TAS2R1: variants seen among roughly 807,000 people sequenced by gnomAD.
TAS2R1 encodes taste 2 receptor member 1.
For missense variants in TAS2R1, 370 were observed against 353.4 expected (o/e 1.05, Z -0.38); for synonymous variants, 141 against 134.2 (o/e 1.05, Z -0.35).
intron 1 of TAS2R1, among the ~76,000 whole-genome samples, chr5:9,688,536 T>C (rs1741172961): frequency 6.6e-6 from 1 of 152,152 alleles, no homozygotes; most frequent in Non-Finnish European, 1.5e-5. Flanking sequence ...CGAGGCTGAA[T>C]AGAAGGGCCG....
the TAS2R1 span, among the ~76,000 whole-genome samples, chr5:9,750,525 C>T: frequency 6.6e-6 from 1 of 152,070 alleles, no homozygotes; most frequent in African/African-American, 2.4e-5. Flanking sequence ...TCTCAATTAC[C>T]CAAGAGAAAG....
chr5:9,740,276 G>A, the TAS2R1 span, among the ~76,000 whole-genome samples: 131 of 152,104 alleles, frequency 8.6e-4, no homozygotes, highest in African/African-American at 2.6e-3. Flanking sequence ...ATTTGTAGGC[G>A]AATAAAAATG....
the TAS2R1 span, among the ~76,000 whole-genome samples, chr5:9,839,725 T>C: frequency 1.3e-5 from 2 of 152,124 alleles, no homozygotes; most frequent in Admixed American, 1.3e-4. Flanking sequence ...GGGTAGTTTT[T>C]GCATGTGCAG....
chr5:9,629,344 A>G lies in TAS2R1; in HGVS notation c.689T>C (p.Ile230Thr). The change falls in exon 1 of 1, where the codon ATC (isoleucine) becomes ACC (threonine). Residue 230 changes from isoleucine to threonine, a missense_variant. Physicochemically the swap from Ile to Thr is moderately conservative, Grantham distance 89. Coordinates refer to ENST00000382492, the MANE Select transcript of TAS2R1 (RefSeq NM_019599.3). ...GAAGTAGAGGATCAGGAAGGACAGGATAGACAGCAACGCGCTGATGGGTGC... is the reference window on the plus strand; with the variant it reads ...GAAGTAGAGGATCAGGAAGGACAGGGTAGACAGCAACGCGCTGATGGGTGC... ...RGAPISALLS[I>T]LSFLILYFSH... is the part of the protein sequence containing the mutation. The G allele has an allele frequency of 6.2e-7, 1 of 1,613,966 alleles. No homozygotes were observed. The highest frequency in any genetic ancestry group is 1.1e-5 in the South Asian group (1 of 91,046).
the TAS2R1 span, among the ~76,000 whole-genome samples, chr5:9,884,690 T>C: frequency 2.6e-5 from 4 of 152,166 alleles, no homozygotes; most frequent in Non-Finnish European, 2.9e-5. Flanking sequence ...CCCCAACCAT[T>C]ATTATGCTGT....
chr5:9,901,105 T>A, the TAS2R1 span, among the ~76,000 whole-genome samples: 1 of 152,106 alleles, frequency 6.6e-6, no homozygotes, highest in Admixed American at 6.5e-5. Context: ...GGCCCTGGGT[T>A]GGACCCTGAG....
At chr5:9,801,514 A>T in the TAS2R1 span, among the ~76,000 whole-genome samples, 1 of 152,230 alleles carries the variant, frequency 6.6e-6, no homozygotes, top group South Asian at 2.1e-4. Flanking sequence ...CATACCAGGA[A>T]AGCCAAGAGA....
intron 1 of TAS2R1, among the ~76,000 whole-genome samples, chr5:9,687,260 G>A (rs114261508): frequency 0.028 from 4,305 of 152,260 alleles, 73 homozygotes; most frequent in Middle Eastern, 0.054. Context: ...GTGAGCTACC[G>A]CGCCCAGCTG....
chr5:9,821,341 G>A, the TAS2R1 span, among the ~76,000 whole-genome samples: 1 of 152,160 alleles, frequency 6.6e-6, no homozygotes, highest in African/African-American at 2.4e-5. Flanking sequence ...ACAAGCACGG[G>A]ACAGGAACAG....
chr5:9,716,544 A>ATT (rs398108593), upstream of TAS2R1, among the ~76,000 whole-genome samples: 1 of 58,862 alleles, frequency 1.7e-5, no homozygotes, highest in African/African-American at 8.4e-5. Flanking sequence ...CAGTACATAT[A>ATT]TTATATATAT....
the TAS2R1 span, among the ~76,000 whole-genome samples, chr5:9,811,131 T>C: frequency 2.0e-5 from 3 of 152,284 alleles, no homozygotes; most frequent in East Asian, 5.8e-4. Context: ...CTCATAAACA[T>C]GATTTGTATC....
chr5:9,686,522 C>A (rs1287458997), intron 1 of TAS2R1, among the ~76,000 whole-genome samples: 1 of 151,922 alleles, frequency 6.6e-6, no homozygotes, highest in Non-Finnish European at 1.5e-5. Context: ...ACTAGGCCTG[C>A]AATCTGATGT....
the TAS2R1 span, among the ~76,000 whole-genome samples, chr5:9,873,262 G>A: frequency 1.3e-4 from 20 of 152,130 alleles, no homozygotes; most frequent in East Asian, 5.8e-4. Flanking sequence ...CCCTCTCTAC[G>A]ACGGGCCCTG....
the TAS2R1 span, among the ~76,000 whole-genome samples, chr5:9,790,855 G>A: frequency 6.6e-6 from 1 of 152,076 alleles, no homozygotes; most frequent in Non-Finnish European, 1.5e-5. Context: ...GGCCAGGCTG[G>A]TCTTAAACTC....
chr5:9,815,350 T>A, the TAS2R1 span, among the ~76,000 whole-genome samples: 1 of 152,210 alleles, frequency 6.6e-6, no homozygotes, highest in African/African-American at 2.4e-5. Context: ...TGGGCTTAGA[T>A]GTACAACTGG....
At chr5:9,754,598 A>G in the TAS2R1 span, among the ~76,000 whole-genome samples, 4 of 152,212 alleles carry the variant, frequency 2.6e-5, no homozygotes, top group Non-Finnish European at 4.4e-5. Flanking sequence ...GCATTCTTAT[A>G]CATCAATAAC....
At chr5:9,674,235 C>A (rs1433864583) in intron 1 of TAS2R1, among the ~76,000 whole-genome samples, 3 of 152,090 alleles carry the variant, frequency 2.0e-5, no homozygotes, top group African/African-American at 7.2e-5. Context: ...GTTCACTTGC[C>A]ATTTAGTCTT....
At chr5:9,662,025 A>G (rs1740548184) in intron 1 of TAS2R1, among the ~76,000 whole-genome samples, 1 of 152,108 alleles carries the variant, frequency 6.6e-6, no homozygotes. Context: ...ATGGTCCAAG[A>G]CAAATCCATT....
the TAS2R1 span, among the ~76,000 whole-genome samples, chr5:9,760,455 A>G: frequency 2.0e-5 from 3 of 152,244 alleles, no homozygotes; most frequent in Non-Finnish European, 4.4e-5. Context: ...ACAGAATATT[A>G]GCAAATAAAA....
Sources: gnomAD v4.1 joint callset for allele counts (sites outside exome capture counted in the v4.1 genomes callset) on GRCh38, gnomAD v4.1.1 for gene constraint, MANE v1.5 for transcripts, NCBI Gene and HGNC (gene_info 2026-07-23, HGNC 2026-07-21) for gene names.